The following TBCA variants were observed in gnomAD, a reference collection of about 807,000 sequenced individuals.
TBCA encodes tubulin folding cofactor A.
TBCA carries 6 observed loss-of-function variants against 15.8 expected under a neutral mutation model. That is an observed-to-expected ratio of 0.38 (90% CI 0.21 to 0.75). The LOEUF (loss-of-function observed/expected upper bound fraction) is 0.75. Ranked by LOEUF, TBCA falls within the 30% of genes least tolerant of loss-of-function variation. TBCA has a pLI of 0.46. For missense variants in TBCA, 90 were observed against 131.2 expected, an observed-to-expected ratio of 0.69 and a Z score of 1.53; for synonymous variants, 32 against 42.3, an observed-to-expected ratio of 0.76 and a Z score of 0.94.
chr5:77,743,575 C>T (rs367873899), intron 1 of TBCA, among the ~76,000 whole-genome samples: 1 of 152,200 alleles, frequency 6.6e-6, no homozygotes, highest in Non-Finnish European at 1.5e-5. Flanking sequence ...TAAAGTCTGC[C>T]GTCAGGGGAA....
chr5:77,753,390 A>G (rs1213058435), intron 1 of TBCA, among the ~76,000 whole-genome samples: 2 of 152,370 alleles, frequency 1.3e-5, no homozygotes, highest in East Asian at 3.9e-4. Context: ...ATACAGATAT[A>G]AGAGACATGC....
intron 1 of TBCA, among the ~76,000 whole-genome samples, chr5:77,762,414 C>T (rs1747664332): frequency 6.6e-6 from 1 of 151,898 alleles, no homozygotes. Context: ...GAAAATAGTA[C>T]TTTTTAATTG....
At position 77,691,325 on chromosome 5, in the gene TBCA, A is replaced by C. The variant is rs761584263; in HGVS notation, c.*93T>G. On this transcript the variant is annotated 3_prime_UTR_variant, in exon 4 of 4. Coordinates refer to ENST00000380377, the MANE Select transcript of TBCA (RefSeq NM_004607.3). The stretch of plus-strand genomic sequence containing the variant: ...ACCAGATAAAAACAATCACATTCTC[A>C]TACTACTTGAACACATAGCAGTGGT... 7.2e-5 allele frequency: 72 copies of C among 1,001,870 alleles called. No individual in the cohort carries two copies. Among genetic ancestry groups the C allele is most frequent in the Non-Finnish European group, 9.9e-5 (67 of 676,400 alleles). 62.1% of individuals were successfully genotyped at this position (1,001,870 alleles called of 1,614,324 possible).
intron 3 of TBCA, chr5:77,692,709 AGTT>A (rs1300044052): frequency 8.1e-6 from 8 of 989,392 alleles, no homozygotes; most frequent in Admixed American, 1.2e-4. Flanking sequence ...GTATTTTAAC[AGTT>A]ATTATTTCCT....
intron 1 of TBCA, among the ~76,000 whole-genome samples, chr5:77,742,170 T>C (rs556728383): frequency 6.6e-6 from 1 of 152,306 alleles, no homozygotes; most frequent in Non-Finnish European, 1.5e-5. Flanking sequence ...TTTGGAATAC[T>C]GGCATTATAT....
intron 1 of TBCA, among the ~76,000 whole-genome samples, chr5:77,722,974 C>A (rs1266073761): frequency 2.0e-5 from 3 of 151,568 alleles, no homozygotes; most frequent in African/African-American, 7.3e-5. Flanking sequence ...TATAACTGTT[C>A]TATAAAATTC....
At chr5:77,744,795 A>C (rs1580123198) in intron 1 of TBCA, among the ~76,000 whole-genome samples, 1 of 152,004 alleles carries the variant, frequency 6.6e-6, no homozygotes, top group South Asian at 2.1e-4. Context: ...TTCGGCCTCC[A>C]AAAGTGCTGA....
chr5:77,692,228 T>G (rs1745765285), intron 3 of TBCA: 1 of 985,164 alleles, frequency 1.0e-6, no homozygotes, highest in East Asian at 1.1e-4. Flanking sequence ...ATACAAACAG[T>G]AGAGGAAATA....
intron 1 of TBCA, among the ~76,000 whole-genome samples, chr5:77,732,969 T>C (rs1360855677): frequency 6.6e-6 from 1 of 152,180 alleles, no homozygotes; most frequent in African/African-American, 2.4e-5. Context: ...ATCACATGTC[T>C]CTAACTTTAC....
At chr5:77,731,330 T>G (rs1478680413) in intron 1 of TBCA, among the ~76,000 whole-genome samples, 1 of 152,216 alleles carries the variant, frequency 6.6e-6, no homozygotes, top group African/African-American at 2.4e-5. Context: ...ATTTGAATCC[T>G]AGTTCCACTG....
At chr5:77,721,351 T>G (rs1746524413) in intron 1 of TBCA, among the ~76,000 whole-genome samples, 1 of 152,168 alleles carries the variant, frequency 6.6e-6, no homozygotes, top group South Asian at 2.1e-4. Context: ...TGCAGCGTAT[T>G]GAACTAAGAT....
At chr5:77,744,280 T>C (rs186519202) in intron 1 of TBCA, among the ~76,000 whole-genome samples, 143 of 152,228 alleles carry the variant, frequency 9.4e-4, no homozygotes, top group African/African-American at 3.3e-3. Context: ...CAATCTTGCT[T>C]GTCACAACTG....
chr5:77,725,351 T>G (rs1036438978), intron 1 of TBCA, among the ~76,000 whole-genome samples: 1 of 152,208 alleles, frequency 6.6e-6, no homozygotes, highest in African/African-American at 2.4e-5. Flanking sequence ...ATCATCAATT[T>G]AATCCTAATT....
intron 1 of TBCA, among the ~76,000 whole-genome samples, chr5:77,740,104 C>T (rs189761013): frequency 3.9e-5 from 6 of 152,202 alleles, no homozygotes; most frequent in African/African-American, 1.4e-4. Context: ...GTGCTAAGAA[C>T]ATAGAAGACT....
intron 2 of TBCA, among the ~76,000 whole-genome samples, chr5:77,696,452 T>C (rs1745873028): frequency 6.6e-6 from 1 of 152,076 alleles, no homozygotes; most frequent in South Asian, 2.1e-4. Context: ...CTTTGGGCCC[T>C]TACGCTCTAA....
intron 1 of TBCA, among the ~76,000 whole-genome samples, chr5:77,736,290 C>T (rs1325959592): frequency 1.3e-5 from 2 of 148,266 alleles, no homozygotes; most frequent in African/African-American, 5.0e-5. Context: ...GAGCCGAGAT[C>T]GCACCATTGC....
chr5:77,739,735 T>G (rs1746990141), intron 1 of TBCA, among the ~76,000 whole-genome samples: 1 of 152,172 alleles, frequency 6.6e-6, no homozygotes, highest in Non-Finnish European at 1.5e-5. Flanking sequence ...TCTTCTTCTT[T>G]TGAACTACAG....
chr5:77,716,032 A>G (rs1460052166), intron 1 of TBCA, among the ~76,000 whole-genome samples: 1 of 152,158 alleles, frequency 6.6e-6, no homozygotes, highest in Non-Finnish European at 1.5e-5. Flanking sequence ...CCTTATATGA[A>G]CAGACCTTTA....
intron 1 of TBCA, among the ~76,000 whole-genome samples, chr5:77,760,529 T>C (rs973682038): frequency 6.6e-6 from 1 of 152,050 alleles, no homozygotes; most frequent in African/African-American, 2.4e-5. Flanking sequence ...CTCCCATGAT[T>C]CTCCTGCCTC....
Sources: allele counts gnomAD v4.1 joint callset (sites outside exome capture counted in the v4.1 genomes callset), GRCh38; gene constraint gnomAD v4.1.1; transcripts MANE v1.5; gene names NCBI Gene and HGNC (gene_info 2026-07-23, HGNC 2026-07-21).